Variants in NALCN observed in about 807,000 individuals in gnomAD.
The protein encoded by NALCN is sodium leak channel, non-selective, also known as sodium leak channel NALCN.
In NALCN, 111 loss-of-function variants were observed where a neutral mutation model predicts 225.3. The ratio of observed to expected loss-of-function variants is 0.49; its 90% CI spans 0.42 to 0.58. NALCN has a LOEUF of 0.58. NALCN is among the 20% of genes least tolerant of loss of function. The probability of loss-of-function intolerance (pLI) is 0.00; values close to 1 mark genes in which losing one functional copy is unlikely to be tolerated. For missense variants in NALCN, 1,378 were observed against 2,202.4 expected (o/e 0.63, Z 7.49); for synonymous variants, 764 against 769.0 (o/e 0.99, Z 0.11).
intron 13 of NALCN, among the ~76,000 whole-genome samples, chr13:101,226,794 G>C (rs1027633594): frequency 6.6e-6 from 1 of 152,158 alleles, no homozygotes; most frequent in Non-Finnish European, 1.5e-5. Flanking sequence ...GGCCAGCTGG[G>C]ATCATGGCCA....
intron 30 of NALCN, among the ~76,000 whole-genome samples, chr13:101,088,532 C>G (rs1051823271): frequency 1.3e-5 from 2 of 152,152 alleles, no homozygotes; most frequent in African/African-American, 4.8e-5. Context: ...TTTATCACAC[C>G]TTATAAGCCC....
intron 27 of NALCN, among the ~76,000 whole-genome samples, chr13:101,100,377 C>A (rs2034742138): frequency 6.6e-6 from 1 of 152,136 alleles, no homozygotes; most frequent in South Asian, 2.1e-4. Flanking sequence ...TGGGTTGACA[C>A]TGGAATAGGA....
At chr13:101,275,073 C>T (rs2042926585) in intron 10 of NALCN, among the ~76,000 whole-genome samples, 1 of 152,172 alleles carries the variant, frequency 6.6e-6, no homozygotes, top group Admixed American at 6.5e-5. Flanking sequence ...CTCTTTCCTT[C>T]CATTTGCACT....
intron 7 of NALCN, among the ~76,000 whole-genome samples, chr13:101,339,980 G>A (rs760165451): frequency 2.8e-4 from 43 of 152,080 alleles, no homozygotes; most frequent in Non-Finnish European, 5.4e-4. Flanking sequence ...TAAGAACACC[G>A]TGCCCCGGCG....
chr13:101,360,089 CTT>C (rs2046190548), intron 6 of NALCN, among the ~76,000 whole-genome samples: 2 of 147,012 alleles, frequency 1.4e-5, no homozygotes, highest in South Asian at 4.3e-4. Flanking sequence ...CTTTCTCTTT[CTT>C]TCTTTTCTTT....
intron 3 of NALCN, among the ~76,000 whole-genome samples, chr13:101,379,648 T>C (rs2046791822): frequency 6.6e-6 from 1 of 151,944 alleles, no homozygotes; most frequent in South Asian, 2.1e-4. Context: ...TTCTCACTCA[T>C]AAGTGGGAGT....
intron 15 of NALCN, among the ~76,000 whole-genome samples, chr13:101,167,198 C>A (rs1340475588): frequency 6.6e-6 from 1 of 152,134 alleles, no homozygotes; most frequent in East Asian, 1.9e-4. Context: ...TATTTGGTAT[C>A]CCTTAAGATT....
chr13:101,107,616 G>A lies in NALCN; in HGVS notation c.2457-7C>T, dbSNP rs762074921. On this transcript the variant is annotated splice_region_variant and splice_polypyrimidine_tract_variant and intron_variant, in intron 21 of 43. Transcript: ENST00000251127. The stretch of plus-strand genomic sequence containing the variant: ...TTCCTCTTCTTGCACTTTCCTTGAA[G>A]GAGAAATTCATGGGAGAATGAGGCT... 2 of 1,614,048 alleles carry A rather than the reference G, an allele frequency of 1.2e-6. No individual in the cohort carries two copies. Among genetic ancestry groups the A allele is most frequent in the East Asian group, 2.2e-5 (1 of 44,872 alleles).
At chr13:101,180,204 C>CTATTTTTTTTT (rs2039139992) in intron 14 of NALCN, among the ~76,000 whole-genome samples, 1 of 109,950 alleles carries the variant, frequency 9.1e-6, no homozygotes, top group Non-Finnish European at 1.9e-5. Flanking sequence ...TCCACCTGGT[C>CTATTTTTTTTT]TTTTTTTTTT....
At chr13:101,065,652 CA>C (rs2032320444) in intron 39 of NALCN, 91 bp from the exon 40 acceptor site, 1 of 1,469,552 alleles carries the variant, frequency 6.8e-7, no homozygotes, top group Non-Finnish European at 9.1e-7. Flanking sequence ...TGCTATTTCT[CA>C]AAAGCTAGCA....
intron 6 of NALCN, among the ~76,000 whole-genome samples, chr13:101,366,432 T>C (rs2046378368): frequency 6.6e-6 from 1 of 152,122 alleles, no homozygotes; most frequent in South Asian, 2.1e-4. Flanking sequence ...TGGTCTGAAA[T>C]CTCTGTCATG....
chr13:101,191,562 G>A (rs2039681534), intron 14 of NALCN, among the ~76,000 whole-genome samples: 1 of 152,138 alleles, frequency 6.6e-6, no homozygotes, highest in Admixed American at 6.5e-5. Context: ...TGAAGACAGT[G>A]TCTCTACATG....
At chr13:101,385,877 T>A (rs2046973014) in intron 3 of NALCN, among the ~76,000 whole-genome samples, 1 of 152,208 alleles carries the variant, frequency 6.6e-6, no homozygotes, top group Non-Finnish European at 1.5e-5. Context: ...ATCTTCTAAT[T>A]GATGCTTCAA....
intron 22 of NALCN, among the ~76,000 whole-genome samples, chr13:101,106,136 C>T (rs182677629): frequency 1.8e-4 from 27 of 152,204 alleles, no homozygotes; most frequent in Non-Finnish European, 2.8e-4. Context: ...TGTGGAGAGC[C>T]GTCTTCTCCC....
intron 7 of NALCN, among the ~76,000 whole-genome samples, chr13:101,331,282 G>A (rs1299486554): frequency 6.6e-6 from 1 of 152,156 alleles, no homozygotes; most frequent in African/African-American, 2.4e-5. Context: ...AAAATGTTTG[G>A]TGAGATGAAG....
chr13:101,291,968 C>G (rs749055416), intron 9 of NALCN, 22 bp downstream of exon 9: 2 of 1,612,072 alleles, frequency 1.2e-6, no homozygotes, highest in African/African-American at 2.7e-5. Flanking sequence ...TGGGTTATAA[C>G]ATCCTCTTGC....
chr13:101,075,242 A>T (rs900257574), intron 35 of NALCN, among the ~76,000 whole-genome samples: 4 of 152,236 alleles, frequency 2.6e-5, no homozygotes, highest in African/African-American at 7.2e-5. Flanking sequence ...AAATAATATT[A>T]AAAAATCTGG....
chr13:101,413,667 G>A (rs573007419), intron 1 of NALCN, among the ~76,000 whole-genome samples: 3 of 151,898 alleles, frequency 2.0e-5, no homozygotes, highest in South Asian at 4.2e-4. Flanking sequence ...ATCTGTCTTC[G>A]GTTATTAAAA....
chr13:101,142,891 G>A (rs558927494), intron 17 of NALCN, 189 bp downstream of exon 17: 8 of 748,504 alleles, frequency 1.1e-5, no homozygotes, highest in Non-Finnish European at 1.7e-5. Flanking sequence ...AGCTTACACG[G>A]GCAAATGCAA....
Sources: allele counts gnomAD v4.1 joint callset (sites outside exome capture counted in the v4.1 genomes callset), GRCh38; gene constraint gnomAD v4.1.1; transcripts MANE v1.5; gene names NCBI Gene and HGNC (gene_info 2026-07-23, HGNC 2026-07-21).